Variants in GLIS3 observed in about 807,000 individuals in gnomAD.
GLIS3 encodes zinc finger protein GLIS3.
In GLIS3, 53 loss-of-function variants were observed where a neutral mutation model predicts 78.6. The ratio of observed to expected loss-of-function variants is 0.67; its 90% CI spans 0.54 to 0.85. GLIS3 has a LOEUF of 0.85. Ranked by LOEUF, GLIS3 falls within the 40% of genes least tolerant of loss-of-function variation. The pLI is 0.00. For synonymous variants in GLIS3, 684 were observed against 509.9 expected (o/e 1.34, Z -4.60); for missense variants, 1,703 against 1,231.1 (o/e 1.38, Z -5.74).
In GLIS3 at chr9:3,919,427, A is replaced by G. The variant is rs888864166; in HGVS notation, c.1983+12933T>C. On this transcript the variant is annotated intron_variant, in intron 6 of 10. Coordinates refer to ENST00000381971, the MANE Select transcript of GLIS3 (RefSeq NM_001042413.2). ...ATCATTTAGCTCCCACTTATAAGTG[A>G]GAACATGAGAACACATGGAGACATA... Among the ~76,000 whole-genome samples the G allele has an allele frequency of 2.0e-5, 3 of 152,188 alleles. No individual in the cohort carries two copies. In the South Asian group the frequency reaches 6.2e-4, roughly 32 times the overall value.
intron 6 of GLIS3, among the ~76,000 whole-genome samples, chr9:3,902,545 T>C (rs528625610): frequency 6.6e-6 from 1 of 152,224 alleles, no homozygotes; most frequent in Admixed American, 6.5e-5. Flanking sequence ...TTAAAGAAGA[T>C]AGAGGGAAAT....
chr9:3,963,900 T>C (rs930911431), intron 4 of GLIS3, among the ~76,000 whole-genome samples: 6 of 152,070 alleles, frequency 3.9e-5, no homozygotes, highest in African/African-American at 1.4e-4. Context: ...CTGAATCTGA[T>C]TGCCATGAAA....
At chr9:4,169,622 G>A (rs1368166549) in intron 2 of GLIS3, among the ~76,000 whole-genome samples, 3 of 152,156 alleles carry the variant, frequency 2.0e-5, no homozygotes, top group African/African-American at 4.8e-5. Flanking sequence ...CAGTTGTACT[G>A]TAGTTAAGAG....
At chr9:4,263,929 A>C (rs1432112742) in intron 2 of GLIS3, among the ~76,000 whole-genome samples, 2 of 150,886 alleles carry the variant, frequency 1.3e-5, no homozygotes, top group African/African-American at 4.9e-5. Context: ...CTCCATCCTC[A>C]CTCCCTCCTT....
At chr9:4,428,268 C>T in the GLIS3 span, among the ~76,000 whole-genome samples, 1 of 151,880 alleles carries the variant, frequency 6.6e-6, no homozygotes, top group African/African-American at 2.4e-5. Context: ...CACTTGAGGC[C>T]AGGAGTTCAA....
chr9:4,386,153 CAA>C, the GLIS3 span, among the ~76,000 whole-genome samples: 3 of 152,168 alleles, frequency 2.0e-5, no homozygotes, highest in African/African-American at 4.8e-5. Flanking sequence ...GGGAGAAAAA[CAA>C]GAGAGAGAGA....
intron 2 of GLIS3, among the ~76,000 whole-genome samples, chr9:4,185,035 T>TCACTGTAACCTAAG (rs772184842): frequency 2.6e-5 from 4 of 152,222 alleles, no homozygotes; most frequent in Non-Finnish European, 4.4e-5. Context: ...TGTATAACTA[T>TCACTGTAACCTAAG]CACTGTAACC....
intron 2 of GLIS3, among the ~76,000 whole-genome samples, chr9:4,328,391 TCAGAGAGTCAGGAAAA>T (rs975148588): frequency 1.3e-5 from 2 of 152,104 alleles, no homozygotes; most frequent in African/African-American, 4.8e-5. Flanking sequence ...TGTTCATGGC[TCAGAGAGTCAGGAAAA>T]CAGGGAGCAC....
the GLIS3 span, among the ~76,000 whole-genome samples, chr9:4,398,215 C>T: frequency 7.3e-6 from 1 of 136,286 alleles, no homozygotes; most frequent in Non-Finnish European, 1.6e-5. Flanking sequence ...ATTGCTGAGG[C>T]ATATTTTTTT....
At position 4,269,470 on chromosome 9, in the gene GLIS3, T is replaced by G. The variant is rs187031883; in HGVS notation, c.388+16568A>C. ...TTTTCATAAAAATATTACGAAGTATTGTCCAACGTTATATCAGTTATATCG... is the reference window on the plus strand; with the variant it reads ...TTTTCATAAAAATATTACGAAGTATGGTCCAACGTTATATCAGTTATATCG... On this transcript the variant is annotated intron_variant, in intron 2 of 10. Coordinates refer to ENST00000381971, the MANE Select transcript of GLIS3 (RefSeq NM_001042413.2). Among the ~76,000 whole-genome samples the G allele has an allele frequency of 3.2e-4, 48 of 152,330 alleles. No individual in the cohort carries two copies. In the East Asian group the frequency reaches 8.1e-3, roughly 26 times the overall value.
chr9:4,056,110 T>C (rs377516006), intron 4 of GLIS3, among the ~76,000 whole-genome samples: 11 of 152,158 alleles, frequency 7.2e-5, no homozygotes, highest in African/African-American at 2.7e-4. Context: ...CATTTGGCCG[T>C]GATTATATGC....
chr9:4,094,045 G>A (rs1417494866), intron 4 of GLIS3, among the ~76,000 whole-genome samples: 6 of 152,008 alleles, frequency 3.9e-5, no homozygotes, highest in Non-Finnish European at 7.4e-5. Context: ...TCTGAACTCT[G>A]GGTTCTTCCA....
intron 4 of GLIS3, among the ~76,000 whole-genome samples, chr9:4,051,526 T>C (rs1054334085): frequency 5.7e-4 from 87 of 152,096 alleles, no homozygotes; most frequent in African/African-American, 2.1e-3. Flanking sequence ...TCAGAGGAAC[T>C]GAAAGAAAAA....
intron 2 of GLIS3, among the ~76,000 whole-genome samples, chr9:4,263,987 T>C (rs1274103226): frequency 6.6e-6 from 1 of 152,182 alleles, no homozygotes; most frequent in Non-Finnish European, 1.5e-5. Flanking sequence ...ATCTCTATGC[T>C]GTTAACTCCT....
intron 4 of GLIS3, among the ~76,000 whole-genome samples, chr9:4,046,971 TA>T (rs1426418458): frequency 6.6e-6 from 1 of 152,142 alleles, no homozygotes; most frequent in Admixed American, 6.6e-5. Context: ...CAACAAACAC[TA>T]ATGGGAAAGT....
the GLIS3 span, among the ~76,000 whole-genome samples, chr9:4,393,080 A>T: frequency 6.6e-6 from 1 of 152,196 alleles, no homozygotes; most frequent in Non-Finnish European, 1.5e-5. Context: ...TATTGTAATC[A>T]ATGGCAGTCT....
intron 6 of GLIS3, among the ~76,000 whole-genome samples, chr9:3,900,651 T>C (rs1823226248): frequency 6.6e-6 from 1 of 152,150 alleles, no homozygotes; most frequent in Admixed American, 6.5e-5. Flanking sequence ...ATGGTATTCA[T>C]GAACATAAAA....
At chr9:4,132,808 A>C (rs538679578) in intron 2 of GLIS3, among the ~76,000 whole-genome samples, 7 of 152,314 alleles carry the variant, frequency 4.6e-5, no homozygotes, top group African/African-American at 1.7e-4. Context: ...TAACACACAC[A>C]CAAGGTGTTA....
At chr9:4,470,912 G>T in the GLIS3 span, among the ~76,000 whole-genome samples, 2 of 151,934 alleles carry the variant, frequency 1.3e-5, no homozygotes, top group Non-Finnish European at 2.9e-5. Context: ...AAAGTCTCAG[G>T]ATACAAAAAT....
Sources: gnomAD v4.1 joint callset for allele counts (sites outside exome capture counted in the v4.1 genomes callset) on GRCh38, gnomAD v4.1.1 for gene constraint, MANE v1.5 for transcripts, NCBI Gene and HGNC (gene_info 2026-07-23, HGNC 2026-07-21) for gene names.